NRF1: variants seen among roughly 807,000 people sequenced by gnomAD.
The protein encoded by NRF1 is nuclear respiratory factor 1.
Under a neutral mutation model 58.5 loss-of-function variants are expected in NRF1, and 5 were observed. The ratio of observed to expected loss-of-function variants is 0.09; its 90% CI spans 0.04 to 0.18. The LOEUF (loss-of-function observed/expected upper bound fraction) is 0.18, where lower values mean the gene tolerates loss of function less well. Among genes scored for constraint, NRF1 ranks in the 10% least tolerant of loss-of-function variants. NRF1 has a pLI of 1.00. For synonymous variants in NRF1, 224 were observed against 246.7 expected, an observed-to-expected ratio of 0.91 and a Z score of 0.86; for missense variants, 288 against 657.7, an observed-to-expected ratio of 0.44 and a Z score of 6.15.
rs6967751 is a variant in NRF1 at position 129,732,728 on chromosome 7, G to A, written c.1348+5363G>A. On this transcript the variant is annotated intron_variant, in intron 10 of 10. Coordinates refer to ENST00000393232, the MANE Select transcript of NRF1 (RefSeq NM_005011.5). ...AGTGATTCTCTTGCCTCAGCCTCCCGAGTAGCTGGGATTACAGGCATGTAC... is the reference window on the plus strand; with the variant it reads ...AGTGATTCTCTTGCCTCAGCCTCCCAAGTAGCTGGGATTACAGGCATGTAC... Among the ~76,000 whole-genome samples, 1,466 of 151,108 alleles carry A rather than the reference G, an allele frequency of 9.7e-3. 26 individuals carry two copies. Among genetic ancestry groups the A allele is most frequent in the African/African-American group, 0.034 (1,397 of 41,234 alleles).
rs1217355937 is a variant in NRF1 at position 129,714,531 on chromosome 7, T to C, written c.1066-2688T>C. ...AATTGATAGTGCAGCTTGCCTCTTA[T>C]GGTGGCAGTGTTGGTAGTGATGTTC... On this transcript the variant is annotated intron_variant, in intron 8 of 10. Coordinates refer to ENST00000393232, the MANE Select transcript of NRF1 (RefSeq NM_005011.5). Among the ~76,000 whole-genome samples the C allele has an allele frequency of 4.6e-5, 7 of 152,294 alleles. No individual in the cohort carries two copies. In the East Asian group the frequency reaches 5.8e-4, roughly 13 times the overall value.
intron 5 of NRF1, among the ~76,000 whole-genome samples, chr7:129,693,390 A>C (rs1394544989): frequency 6.6e-6 from 1 of 152,212 alleles, no homozygotes; most frequent in Non-Finnish European, 1.5e-5. Context: ...GGACACTGGA[A>C]GGATCTCTAA....
chr7:129,683,051 C>T (rs745862738), intron 4 of NRF1, among the ~76,000 whole-genome samples: 15 of 151,786 alleles, frequency 9.9e-5, no homozygotes, highest in Non-Finnish European at 1.6e-4. Context: ...CTGCCTCAGC[C>T]TCCTGAGTAG....
intron 8 of NRF1, among the ~76,000 whole-genome samples, chr7:129,716,851 C>A: frequency 7.2e-6 from 1 of 139,502 alleles, no homozygotes; most frequent in Non-Finnish European, 1.5e-5. Context: ...GCTTGGGCGA[C>A]AGAGGGAGAC....
At chr7:129,730,780 A>G (rs2116261465) in intron 10 of NRF1, among the ~76,000 whole-genome samples, 1 of 152,204 alleles carries the variant, frequency 6.6e-6, no homozygotes, top group South Asian at 2.1e-4. Flanking sequence ...GTCCAAGACC[A>G]ACCTGAACAA....
At chr7:129,649,396 ATAATGC>A (rs1484180341) in intron 1 of NRF1, among the ~76,000 whole-genome samples, 1 of 152,138 alleles carries the variant, frequency 6.6e-6, no homozygotes, top group Non-Finnish European at 1.5e-5. Context: ...TTTTGATATG[ATAATGC>A]TATTGATTAG....
chr7:129,720,892 A>G (rs1299465735), intron 9 of NRF1, among the ~76,000 whole-genome samples: 1 of 152,200 alleles, frequency 6.6e-6, no homozygotes, highest in South Asian at 2.1e-4. Context: ...AAAATAAAGA[A>G]TAAATCAGCA....
At chr7:129,693,542 GTT>G (rs144027422) in intron 5 of NRF1, among the ~76,000 whole-genome samples, 1 of 148,778 alleles carries the variant, frequency 6.7e-6, no homozygotes, top group South Asian at 2.1e-4. Context: ...ATTTTTTGGC[GTT>G]TTTTTTTTCT....
At chr7:129,681,922 CAAA>C (rs201830378) in intron 4 of NRF1, among the ~76,000 whole-genome samples, 1 of 117,622 alleles carries the variant, frequency 8.5e-6, no homozygotes, top group Non-Finnish European at 1.8e-5. Context: ...CTCATCTCTA[CAAA>C]AAAAAAAAAA....
At chr7:129,744,150 T>C in intron 10 of NRF1, 1 of 1,463,326 alleles carries the variant, frequency 6.8e-7, no homozygotes, top group Non-Finnish European at 9.1e-7. Flanking sequence ...TTTTTTTTTT[T>C]AACAGTTCTG....
rs1293318180 is a variant in NRF1, at chr7:129,653,982, A to G, written c.-6-3364A>G. Among the ~76,000 whole-genome samples, 4 of 152,202 alleles carry G rather than the reference A, an allele frequency of 2.6e-5. No individual in the cohort carries two copies. The East Asian group carries it at 5.8e-4, about 22-fold the overall frequency. ...TGTAAGTTTTCAACTCCTTTGGGTC[A>G]ATACAAAGGCGTGTAATTGCTGGAT... is the stretch of plus-strand genomic sequence containing the variant. On this transcript the variant is annotated intron_variant, in intron 1 of 10. Transcript: ENST00000393232.
chr7:129,616,714 T>G (rs1218207034), intron 1 of NRF1, among the ~76,000 whole-genome samples: 5 of 152,210 alleles, frequency 3.3e-5, no homozygotes, highest in Non-Finnish European at 7.3e-5. Context: ...TAAGGAATGG[T>G]CTACTGAATC....
intron 3 of NRF1, among the ~76,000 whole-genome samples, chr7:129,674,635 A>G (rs896104503): frequency 4.6e-5 from 7 of 151,928 alleles, no homozygotes; most frequent in Admixed American, 6.6e-5. Flanking sequence ...GGGTCTCACT[A>G]TGTTGCCCAG....
rs1475456748 is a variant in NRF1 at position 129,743,985 on chromosome 7, C to CT, written c.1349-11032dup. ...TTCAACTGAACTAAGATCTGGTGGTCTAAGTGCACATTAGCACTTGGTGCT... is the reference window on the plus strand; with the variant it reads ...TTCAACTGAACTAAGATCTGGTGGTCTTAAGTGCACATTAGCACTTGGTGCT... On this transcript the variant is annotated intron_variant, in intron 10 of 10. Transcript: ENST00000393232. 2.0e-5 allele frequency among the ~76,000 whole-genome samples: 3 copies of CT among 152,234 alleles called. No individual in the cohort carries two copies. The East Asian group carries it at 5.8e-4, about 29-fold the overall frequency.
At chr7:129,687,730 C>T (rs1449679258) in intron 4 of NRF1, among the ~76,000 whole-genome samples, 1 of 152,172 alleles carries the variant, frequency 6.6e-6, no homozygotes, top group East Asian at 1.9e-4. Context: ...GACAGCTATG[C>T]CCTGTTGTTG....
intron 7 of NRF1, among the ~76,000 whole-genome samples, chr7:129,711,053 G>T (rs1803061804): frequency 6.6e-6 from 1 of 152,018 alleles, no homozygotes; most frequent in Non-Finnish European, 1.5e-5. Context: ...AAAATGCTGG[G>T]ATTACAGATG....
intron 5 of NRF1, among the ~76,000 whole-genome samples, chr7:129,708,039 A>G (rs963020652): frequency 2.0e-5 from 3 of 152,174 alleles, no homozygotes; most frequent in Admixed American, 6.5e-5. Context: ...TGTAACTACA[A>G]ATCCACACCC....
rs549455350 is a variant in NRF1, at chr7:129,687,870, T to C, written c.466-2536T>C. On this transcript the variant is annotated intron_variant, in intron 4 of 10. Coordinates refer to ENST00000393232, the MANE Select transcript of NRF1 (RefSeq NM_005011.5). ...AGGTCAGTAATTCTGAGAAGGTTAC[T>C]TAACTTTAGTAAGCAAGCTTAGATA... Among the ~76,000 whole-genome samples the C allele has an allele frequency of 4.9e-4, 75 of 152,370 alleles. 1 individual carries two copies. The highest frequency in any genetic ancestry group is 8.8e-5 in the Non-Finnish European group (6 of 68,040).
intron 10 of NRF1, among the ~76,000 whole-genome samples, chr7:129,732,830 G>A (rs569456776): frequency 7.5e-4 from 114 of 152,172 alleles, no homozygotes; most frequent in South Asian, 4.6e-3. Flanking sequence ...TCGAACTCCC[G>A]ACCTCAGGTG....
Sources: allele counts gnomAD v4.1 joint callset (sites outside exome capture counted in the v4.1 genomes callset), GRCh38; gene constraint gnomAD v4.1.1; transcripts MANE v1.5; gene names NCBI Gene and HGNC (gene_info 2026-07-23, HGNC 2026-07-21).